CALN1: variants seen among roughly 807,000 people sequenced by gnomAD.
CALN1 encodes the protein calneuron 1.
CALN1 carries 17 observed loss-of-function variants against 30.6 expected under a neutral mutation model. The ratio of observed to expected loss-of-function variants is 0.56; its 90% CI spans 0.38 to 0.83. The LOEUF is 0.83. Ranked by LOEUF, CALN1 falls within the 40% of genes least tolerant of loss-of-function variation. CALN1 has a pLI of 0.00. For synonymous variants in CALN1, 156 were observed against 131.4 expected (o/e 1.19, Z -1.28); for missense variants, 291 against 354.9 (o/e 0.82, Z 1.45).
chr7:71,847,758 AAG>A (rs71533287), intron 5 of CALN1, among the ~76,000 whole-genome samples: 46,614 of 145,228 alleles, frequency 0.32, 8,554 homozygotes, highest in Middle Eastern at 0.49. Flanking sequence ...AGAAAGAAGA[AAG>A]AAGAAGAAGA....
At chr7:72,037,871 C>A (rs923260484) in intron 4 of CALN1, among the ~76,000 whole-genome samples, 1 of 152,198 alleles carries the variant, frequency 6.6e-6, no homozygotes, top group Admixed American at 6.5e-5. Context: ...CACTTTCTAG[C>A]GTTCCTTGTA....
At chr7:71,964,898 T>G (rs1023595544) in intron 5 of CALN1, among the ~76,000 whole-genome samples, 1 of 152,296 alleles carries the variant, frequency 6.6e-6, no homozygotes, top group East Asian at 1.9e-4. Context: ...CTGTAAGGAA[T>G]AGATGGTTTC....
At chr7:71,917,628 A>G (rs1449034341) in intron 5 of CALN1, among the ~76,000 whole-genome samples, 1 of 152,114 alleles carries the variant, frequency 6.6e-6, no homozygotes, top group African/African-American at 2.4e-5. Flanking sequence ...GCACCTCTCC[A>G]TGGGGCAGCA....
At chr7:71,958,162 T>C (rs575163079) in intron 5 of CALN1, among the ~76,000 whole-genome samples, 23 of 151,664 alleles carry the variant, frequency 1.5e-4, no homozygotes, top group African/African-American at 5.3e-4. Flanking sequence ...TATTCCATCA[T>C]GGTGAAGTCT....
chr7:72,183,342 A>G (rs1418557057), intron 3 of CALN1, among the ~76,000 whole-genome samples: 1 of 152,218 alleles, frequency 6.6e-6, no homozygotes, highest in Non-Finnish European at 1.5e-5. Flanking sequence ...TAGATGGACC[A>G]AAAGAGAGAA....
intron 5 of CALN1, among the ~76,000 whole-genome samples, chr7:71,824,590 G>T (rs1194252255): frequency 6.6e-6 from 1 of 152,006 alleles, no homozygotes; most frequent in African/African-American, 2.4e-5. Context: ...ACAGCTGGGG[G>T]CCAACATCTT....
intron 3 of CALN1, among the ~76,000 whole-genome samples, chr7:72,213,272 T>C (rs748295813): frequency 6.6e-6 from 1 of 152,226 alleles, no homozygotes; most frequent in African/African-American, 2.4e-5. Context: ...GCCTCAAAGC[T>C]GGAGACAGGA....
chr7:72,250,687 T>C (rs940371648), intron 3 of CALN1, among the ~76,000 whole-genome samples: 3 of 152,058 alleles, frequency 2.0e-5, no homozygotes, highest in Non-Finnish European at 2.9e-5. Context: ...TGGGAGCTGG[T>C]TGTTTAAAAG....
intron 4 of CALN1, among the ~76,000 whole-genome samples, chr7:72,084,504 A>T (rs1455263406): frequency 6.7e-6 from 1 of 150,322 alleles, no homozygotes; most frequent in Non-Finnish European, 1.5e-5. Context: ...GATTACAGGC[A>T]CCCACCACCA....
intron 5 of CALN1, among the ~76,000 whole-genome samples, chr7:71,914,870 CG>C (rs1794607461): frequency 6.6e-6 from 1 of 152,082 alleles, no homozygotes; most frequent in Non-Finnish European, 1.5e-5. Flanking sequence ...CTGTTCATGT[CG>C]TTTGCCCACT....
intron 5 of CALN1, among the ~76,000 whole-genome samples, chr7:71,922,231 C>T (rs1045934225): frequency 6.6e-6 from 1 of 152,016 alleles, no homozygotes; most frequent in Non-Finnish European, 1.5e-5. Flanking sequence ...CTTTGGCACG[C>T]TATGAAGGAT....
chr7:72,331,142 G>C (rs1036163082), intron 2 of CALN1, among the ~76,000 whole-genome samples: 4 of 152,178 alleles, frequency 2.6e-5, no homozygotes, highest in African/African-American at 7.2e-5. Context: ...CTGAAGTCAG[G>C]AGTTCGAGAC....
intron 5 of CALN1, among the ~76,000 whole-genome samples, chr7:71,948,863 G>A (rs971403445): frequency 2.0e-5 from 3 of 151,360 alleles, no homozygotes; most frequent in Non-Finnish European, 4.4e-5. Flanking sequence ...GCAACATAGT[G>A]AGACCCTGTC....
Position 72,298,577 on chromosome 7 carries a change from T to C in CALN1, c.120-19767A>G, listed in dbSNP as rs76385771. On this transcript the variant is annotated intron_variant, in intron 2 of 6. Coordinates refer to ENST00000395275, the MANE Select transcript of CALN1 (RefSeq NM_031468.4). ...ATGATCAAAAGCTGAGGTTTCTTGG[T>C]AGACGTTCTGTAAAGCCTCTTGCCC... 8.8e-3 allele frequency among the ~76,000 whole-genome samples: 1,342 copies of C among 152,266 alleles called. 9 individuals carry two copies. Among genetic ancestry groups the C allele is most frequent in the Middle Eastern group, 0.017 (5 of 294 alleles).
intron 1 of CALN1, among the ~76,000 whole-genome samples, chr7:72,426,988 C>T (rs1343739548): frequency 6.6e-6 from 1 of 152,094 alleles, no homozygotes; most frequent in Admixed American, 6.6e-5. Context: ...TCAGAGCAAT[C>T]TTTATTTTTA....
At chr7:72,009,028 C>A (rs1799930584) in intron 5 of CALN1, among the ~76,000 whole-genome samples, 1 of 152,028 alleles carries the variant, frequency 6.6e-6, no homozygotes, top group African/African-American at 2.4e-5. Flanking sequence ...GAATTGGTAA[C>A]CTGAAGATAA....
At chr7:71,874,714 T>G (rs1792141082) in intron 5 of CALN1, among the ~76,000 whole-genome samples, 1 of 152,166 alleles carries the variant, frequency 6.6e-6, no homozygotes, top group Non-Finnish European at 1.5e-5. Context: ...CTGCAGTGAT[T>G]CCAGGGACTT....
rs375639066 is a variant in CALN1, at chr7:72,388,382, C to CA, written c.119+14868dup. On this transcript the variant is annotated intron_variant, in intron 2 of 6. Transcript: ENST00000395275. ...CAAGGAAAAATGCAAAAAAAACAAACAAAAAAGGTACCGTTATATCCTAAA... is the reference window on the plus strand; with the variant it reads ...CAAGGAAAAATGCAAAAAAAACAAACAAAAAAAGGTACCGTTATATCCTAAA... Among the ~76,000 whole-genome samples the CA allele has an allele frequency of 7.9e-3, 1,194 of 151,924 alleles. 17 individuals carry two copies. Among genetic ancestry groups the CA allele is most frequent in the African/African-American group, 0.027 (1,139 of 41,444 alleles).
intron 1 of CALN1, among the ~76,000 whole-genome samples, chr7:72,411,844 A>G (rs752087515): frequency 6.6e-6 from 1 of 152,222 alleles, no homozygotes; most frequent in Non-Finnish European, 1.5e-5. Flanking sequence ...CTTTTTCCAT[A>G]CAGATTATAT....
Sources: gnomAD v4.1 joint callset for allele counts (sites outside exome capture counted in the v4.1 genomes callset) on GRCh38, gnomAD v4.1.1 for gene constraint, MANE v1.5 for transcripts, NCBI Gene and HGNC (gene_info 2026-07-23, HGNC 2026-07-21) for gene names.